The following FAM210A variants were observed in gnomAD, a reference collection of about 807,000 sequenced individuals.
FAM210A encodes mitochondrial inner membrane scaffold 1.
A neutral mutation model predicts 25.3 loss-of-function variants in FAM210A; 13 were observed. The ratio of observed to expected loss-of-function variants is 0.51; its 90% CI spans 0.33 to 0.82. The LOEUF (loss-of-function observed/expected upper bound fraction) is 0.82, where lower values mean the gene tolerates loss of function less well. FAM210A is among the 40% of genes least tolerant of loss of function. The pLI is 0.02. For missense variants in FAM210A, 319 were observed against 323.2 expected (o/e 0.99, Z 0.10); for synonymous variants, 125 against 118.7 (o/e 1.05, Z -0.35).
At chr18:13,694,397 C>CTT in intron 1 of FAM210A, among the ~76,000 whole-genome samples, 1 of 152,242 alleles carries the variant, frequency 6.6e-6, no homozygotes, top group East Asian at 1.9e-4. Context: ...AAAAAAGAGT[C>CTT]CGCATTGCTA....
chr18:13,682,215 C>T (rs2043561427), intron 1 of FAM210A, 110 bp from the exon 2 acceptor site: 2 of 712,800 alleles, frequency 2.8e-6, no homozygotes, highest in Admixed American at 3.1e-5. Flanking sequence ...ACAGACACTG[C>T]TACATAATCC....
At chr18:13,697,920 A>C (rs1183474483) in intron 1 of FAM210A, among the ~76,000 whole-genome samples, 1 of 152,186 alleles carries the variant, frequency 6.6e-6, no homozygotes, top group Non-Finnish European at 1.5e-5. Flanking sequence ...CACATAGAGG[A>C]ACCTTAAATG....
At chr18:13,679,253 T>C (rs949635846) in intron 2 of FAM210A, among the ~76,000 whole-genome samples, 3 of 152,220 alleles carry the variant, frequency 2.0e-5, no homozygotes, top group African/African-American at 7.2e-5. Flanking sequence ...CAAACTATTT[T>C]TCTCCCTTTC....
intron 1 of FAM210A, among the ~76,000 whole-genome samples, chr18:13,721,231 T>C (rs1417504210): frequency 1.3e-5 from 2 of 152,134 alleles, no homozygotes; most frequent in African/African-American, 4.8e-5. Flanking sequence ...CTTTGTTAGT[T>C]GAAAGAAAAC....
chr18:13,690,215 C>T (rs191260658), intron 1 of FAM210A, among the ~76,000 whole-genome samples: 5 of 152,320 alleles, frequency 3.3e-5, no homozygotes, highest in East Asian at 1.9e-4. Flanking sequence ...GAGGGGCATC[C>T]GCCATTGCTG....
At chr18:13,709,159 A>G (rs2043803363) in intron 1 of FAM210A, among the ~76,000 whole-genome samples, 1 of 152,184 alleles carries the variant, frequency 6.6e-6, no homozygotes. Flanking sequence ...CCTCATATAT[A>G]AGCTGACCAT....
intron 1 of FAM210A, among the ~76,000 whole-genome samples, chr18:13,684,255 C>T (rs963421632): frequency 2.6e-5 from 4 of 151,912 alleles, no homozygotes; most frequent in South Asian, 2.1e-4. Context: ...AAAAATTAGC[C>T]GGGCATGGTG....
At chr18:13,714,162 C>A (rs2043843142) in intron 1 of FAM210A, among the ~76,000 whole-genome samples, 1 of 152,186 alleles carries the variant, frequency 6.6e-6, no homozygotes, top group Non-Finnish European at 1.5e-5. Context: ...TGTGTTTTCA[C>A]TGTCTTTAAG....
At chr18:13,677,922 G>A (rs756060816) in intron 2 of FAM210A, among the ~76,000 whole-genome samples, 3 of 152,000 alleles carry the variant, frequency 2.0e-5, no homozygotes, top group Non-Finnish European at 4.4e-5. Flanking sequence ...GAGCACCCTC[G>A]GTAGATATGG....
rs1225052584 is a variant in FAM210A, at chr18:13,664,186, T to A, written c.*2294A>T. 1 of 152,202 alleles carries A rather than the reference T, an allele frequency of 6.6e-6. No individual in the cohort carries two copies. Among genetic ancestry groups the A allele is most frequent in the Non-Finnish European group, 1.5e-5 (1 of 68,042 alleles). 9.4% of individuals were successfully genotyped at this position (152,202 alleles called of 1,614,324 possible). A position where few individuals can be genotyped will look rare whatever the true frequency, so the allele number is the denominator to read the frequency against. On this transcript the variant is annotated 3_prime_UTR_variant, in exon 4 of 4. Transcript: ENST00000651643. ...GAGCATTTTTTACTAGAGAATTTCATATCATTCAAGCAGTAACTCATTGTC... is the reference window on the plus strand; with the variant it reads ...GAGCATTTTTTACTAGAGAATTTCAAATCATTCAAGCAGTAACTCATTGTC...
chr18:13,688,496 C>T (rs182589426), intron 1 of FAM210A, among the ~76,000 whole-genome samples: 6 of 152,326 alleles, frequency 3.9e-5, no homozygotes, highest in Non-Finnish European at 7.3e-5. Context: ...AGCCCCTTTC[C>T]AGCTCCTCTC....
chr18:13,698,322 A>C (rs953061219), intron 1 of FAM210A, among the ~76,000 whole-genome samples: 3 of 135,936 alleles, frequency 2.2e-5, no homozygotes, highest in African/African-American at 8.2e-5. Flanking sequence ...ACTGCACTCC[A>C]GCCTGGGTGA....
At chr18:13,678,563 T>C (rs2043524074) in intron 2 of FAM210A, among the ~76,000 whole-genome samples, 1 of 152,242 alleles carries the variant, frequency 6.6e-6, no homozygotes, top group Non-Finnish European at 1.5e-5. Flanking sequence ...GTGCTGGGAT[T>C]ACAGGCGTGA....
intron 1 of FAM210A, among the ~76,000 whole-genome samples, chr18:13,720,022 T>G (rs1313033512): frequency 6.6e-6 from 1 of 152,228 alleles, no homozygotes; most frequent in Non-Finnish European, 1.5e-5. Context: ...CTTGTGCTCT[T>G]AACTGCTGAA....
intron 1 of FAM210A, among the ~76,000 whole-genome samples, chr18:13,702,020 T>C (rs1488371010): frequency 6.6e-6 from 1 of 152,204 alleles, no homozygotes; most frequent in Non-Finnish European, 1.5e-5. Context: ...GGCAGCAACT[T>C]GCAAAATTAA....
At chr18:13,686,827 T>C (rs748651171) in intron 1 of FAM210A, among the ~76,000 whole-genome samples, 27 of 152,170 alleles carry the variant, frequency 1.8e-4, no homozygotes, top group Admixed American at 1.4e-3. Context: ...CAGGCTGAGG[T>C]TGATTAGTGA....
chr18:13,666,457 T>C lies in FAM210A; in HGVS notation c.*23A>G, dbSNP rs748579173. On this transcript the variant is annotated 3_prime_UTR_variant, in exon 4 of 4. Coordinates refer to ENST00000651643, the MANE Select transcript of FAM210A (RefSeq NM_152352.4). ...CCAAAGGGTTAAAGTGCAGGAATTT[T>C]CTATACTGCTATATAAGGCACCTTA... 2 of 1,582,780 alleles carry C rather than the reference T, an allele frequency of 1.3e-6. No individual in the cohort carries two copies. The highest frequency in any genetic ancestry group is 2.2e-5 in the South Asian group (2 of 89,410).
At chr18:13,688,436 A>AC (rs961590131) in intron 1 of FAM210A, among the ~76,000 whole-genome samples, 7 of 146,082 alleles carry the variant, frequency 4.8e-5, no homozygotes, top group African/African-American at 1.8e-4. Context: ...GACTTCAGAG[A>AC]CGATGGCTGC....
At chr18:13,701,727 C>A (rs868323501) in intron 1 of FAM210A, among the ~76,000 whole-genome samples, 1 of 152,196 alleles carries the variant, frequency 6.6e-6, no homozygotes, top group Admixed American at 6.5e-5. Context: ...CCACAATGCA[C>A]TGAAGTGCAT....
Sources: gnomAD v4.1 joint callset for allele counts (sites outside exome capture counted in the v4.1 genomes callset) on GRCh38, gnomAD v4.1.1 for gene constraint, MANE v1.5 for transcripts, NCBI Gene and HGNC (gene_info 2026-07-23, HGNC 2026-07-21) for gene names.